Variants in CWF19L2 observed in about 807,000 individuals in gnomAD.
The protein encoded by CWF19L2 is CWF19 like cell cycle control factor 2.
A neutral mutation model predicts 111.7 loss-of-function variants in CWF19L2; 98 were observed. That is an observed-to-expected ratio of 0.88 (90% confidence interval 0.75 to 1.04). The LOEUF is 1.04. CWF19L2 is among the 50% of genes least tolerant of loss of function. The probability of loss-of-function intolerance (pLI) is 0.00; values close to 1 mark genes in which losing one functional copy is unlikely to be tolerated. For missense variants in CWF19L2, 1,101 were observed against 1,051.4 expected, an observed-to-expected ratio of 1.05 and a Z score of -0.65; for synonymous variants, 351 against 342.9, an observed-to-expected ratio of 1.02 and a Z score of -0.26.
intron 3 of CWF19L2, among the ~76,000 whole-genome samples, chr11:107,453,742 G>GCCTT (rs765288330): frequency 6.6e-6 from 1 of 151,330 alleles, no homozygotes; most frequent in Admixed American, 6.6e-5. Flanking sequence ...CCAGCCCCAC[G>GCCTT]CCTTGGCTCT....
intron 3 of CWF19L2, among the ~76,000 whole-genome samples, chr11:107,453,475 C>G (rs775209027): frequency 3.3e-5 from 5 of 152,098 alleles, no homozygotes; most frequent in Non-Finnish European, 7.4e-5. Flanking sequence ...TCTTGAATAC[C>G]AGCTCAGCCA....
intron 12 of CWF19L2, among the ~76,000 whole-genome samples, chr11:107,369,605 T>A (rs1162728012): frequency 1.4e-5 from 2 of 138,520 alleles, no homozygotes; most frequent in Non-Finnish European, 3.1e-5. Flanking sequence ...TATATTGCAT[T>A]ATTTTGATGT....
intron 14 of CWF19L2, among the ~76,000 whole-genome samples, chr11:107,337,962 A>G (rs1859952558): frequency 6.6e-6 from 1 of 152,194 alleles, no homozygotes; most frequent in African/African-American, 2.4e-5. Context: ...AAACTATACT[A>G]TAATATCACA....
chr11:107,402,871 GTGTATATATATA>G (rs761417730), intron 10 of CWF19L2, among the ~76,000 whole-genome samples: 15 of 57,104 alleles, frequency 2.6e-4, no homozygotes, highest in Middle Eastern at 8.1e-3. Flanking sequence ...AAACTGTGGT[GTGTATATATATA>G]TATATATATA....
intron 12 of CWF19L2, among the ~76,000 whole-genome samples, chr11:107,359,488 GGATCC>G (rs1197827095): frequency 1.3e-5 from 2 of 152,106 alleles, no homozygotes; most frequent in Admixed American, 6.6e-5. Context: ...TCCACAACTA[GGATCC>G]ACAGGTCTGG....
intron 8 of CWF19L2, among the ~76,000 whole-genome samples, chr11:107,422,845 A>G (rs1861320766): frequency 6.6e-6 from 1 of 150,952 alleles, no homozygotes; most frequent in Non-Finnish European, 1.5e-5. Context: ...ACAGACAGAT[A>G]GCATTGGAAT....
chr11:107,456,029 G>C (rs1353395399), intron 1 of CWF19L2, among the ~76,000 whole-genome samples: 1 of 152,152 alleles, frequency 6.6e-6, no homozygotes, highest in Non-Finnish European at 1.5e-5. Context: ...AGAGAATCCA[G>C]GGACTGAGTC....
At chr11:107,365,179 T>G (rs2134564052) in intron 12 of CWF19L2, among the ~76,000 whole-genome samples, 1 of 149,194 alleles carries the variant, frequency 6.7e-6, no homozygotes, top group African/African-American at 2.5e-5. Flanking sequence ...GTGGCAACAA[T>G]CAATAGCTTA....
At chr11:107,358,318 C>CGTGT (rs1860269212) in intron 12 of CWF19L2, among the ~76,000 whole-genome samples, 5 of 150,050 alleles carry the variant, frequency 3.3e-5, no homozygotes, top group African/African-American at 9.9e-5. Context: ...ATAAAATACA[C>CGTGT]TAACACTACT....
chr11:107,399,535 C>A (rs1425934296), intron 10 of CWF19L2, among the ~76,000 whole-genome samples: 1 of 152,120 alleles, frequency 6.6e-6, no homozygotes, highest in Non-Finnish European at 1.5e-5. Flanking sequence ...CAATCCTAAA[C>A]ATATATGTGC....
At chr11:107,378,602 T>A (rs1437760447) in intron 12 of CWF19L2, among the ~76,000 whole-genome samples, 1 of 151,984 alleles carries the variant, frequency 6.6e-6, no homozygotes, top group Non-Finnish European at 1.5e-5. Flanking sequence ...GAACATCACA[T>A]TCTGGGGACT....
In CWF19L2 at chr11:107,433,700, T is replaced by C. The variant is rs779446686; in HGVS notation, c.714A>G (p.Leu238=). 6 of 1,593,960 alleles carry C rather than the reference T, an allele frequency of 3.8e-6. No individual in the cohort carries two copies. The Admixed American group carries it at 1.0e-4, about 28-fold the overall frequency. ...GGLSWLRKSY[L]RMKEQAEKQS... ...GTTTCTCAGCTTGTTCCTTCATTCT[T>C]AGATAAGATTTCCTTAGCCAGCTTA... Residue 238 remains leucine (L), a synonymous_variant, in exon 7 of 18, where the codon CTA becomes CTG. Transcript: ENST00000282251.
intron 6 of CWF19L2, among the ~76,000 whole-genome samples, chr11:107,436,139 C>A (rs1405507490): frequency 6.9e-6 from 1 of 145,362 alleles, no homozygotes; most frequent in Admixed American, 7.0e-5. Context: ...TGTGACAGAG[C>A]GAGACTCCAC....
At chr11:107,386,156 G>T (rs1278163953) in intron 12 of CWF19L2, among the ~76,000 whole-genome samples, 3 of 152,094 alleles carry the variant, frequency 2.0e-5, no homozygotes, top group African/African-American at 7.2e-5. Flanking sequence ...TGAAACTACA[G>T]ATAAGTACCA....
chr11:107,449,380 G>C (rs1861747461), intron 3 of CWF19L2, among the ~76,000 whole-genome samples: 1 of 152,020 alleles, frequency 6.6e-6, no homozygotes, highest in Admixed American at 6.6e-5. Flanking sequence ...CAGAAATTCA[G>C]ACCTACATAA....
At position 107,327,082 on chromosome 11, in the gene CWF19L2, C is replaced by T. The variant is rs774703345; in HGVS notation, c.2542-29G>A. 4 of 1,556,288 alleles carry T rather than the reference C, an allele frequency of 2.6e-6. No individual in the cohort carries two copies. In the African/African-American group the frequency reaches 4.2e-5, roughly 16 times the overall value. On this transcript the variant is annotated intron_variant, in intron 17 of 17. Transcript: ENST00000282251. The stretch of plus-strand genomic sequence containing the variant: ...TTAAAGAAAGAGAAAAGCACAAACA[C>T]AAGCATGTATAAATAATGAAAACAG...
Position 107,337,306 on chromosome 11 carries a change from G to T in CWF19L2, c.2203-593C>A, listed in dbSNP as rs1859939792. The stretch of plus-strand genomic sequence containing the variant: ...AAGTAATAGGGTTTTCTCTTCCCAA[G>T]GAACTAAGTATTATTATACAACTAT... On this transcript the variant is annotated intron_variant, in intron 14 of 17. Transcript: ENST00000282251. 2.6e-5 allele frequency among the ~76,000 whole-genome samples: 4 copies of T among 151,788 alleles called. 1 individual carries two copies. In the South Asian group the frequency reaches 8.3e-4, roughly 32 times the overall value.
chr11:107,454,352 A>AT (rs1314308376), intron 3 of CWF19L2, 98 bp downstream of exon 3: 1 of 968,426 alleles, frequency 1.0e-6, no homozygotes, highest in African/African-American at 1.7e-5. Flanking sequence ...CTAGTAATAT[A>AT]TTTTTTACGT....
intron 10 of CWF19L2, chr11:107,404,397 G>T: frequency 1.3e-6 from 1 of 787,266 alleles, no homozygotes. Flanking sequence ...TTATCTGGTG[G>T]CTTTGGGGGT....
Sources: allele counts gnomAD v4.1 joint callset (sites outside exome capture counted in the v4.1 genomes callset), GRCh38; gene constraint gnomAD v4.1.1; transcripts MANE v1.5; gene names NCBI Gene and HGNC (gene_info 2026-07-23, HGNC 2026-07-21).